ATP8A1: variants seen among roughly 807,000 people sequenced by gnomAD.
ATP8A1 encodes ATPase phospholipid transporting 8A1.
In ATP8A1, 90 loss-of-function variants were observed where a neutral mutation model predicts 177.7. The observed-to-expected ratio is 0.51, with a 90% confidence interval of 0.43 to 0.60. ATP8A1 has a LOEUF of 0.60. ATP8A1 is among the 20% of genes least tolerant of loss of function. The pLI is 0.00. For missense variants in ATP8A1, 1,072 were observed against 1,392.8 expected, an observed-to-expected ratio of 0.77 and a Z score of 3.67; for synonymous variants, 493 against 485.9, an observed-to-expected ratio of 1.01 and a Z score of -0.19.
At position 42,552,584 on chromosome 4, in the gene ATP8A1, A is replaced by C. The variant is rs1333105965; in HGVS notation, c.1440T>G (p.Phe480Leu). 2.5e-6 allele frequency: 4 copies of C among 1,613,740 alleles called. No individual in the cohort carries two copies. The highest frequency in any genetic ancestry group is 3.4e-6 in the Non-Finnish European group (4 of 1,179,910). Reference sequence around the variant, plus strand: ...TGTGACAGACTGCCATCATTGTAAGAAATTCACATATTATAGGTGCAGTTG... The same window carrying C: ...TGTGACAGACTGCCATCATTGTAAGCAATTCACATATTATAGGTGCAGTTG... ...NHPTAPIICE[F>L]LTMMAVCHTA... The change falls in exon 17 of 37, where the codon TTT becomes TTG. Residue 480 changes from phenylalanine to leucine, a missense_variant. By Grantham distance (22) the Phe-to-Leu change is conservative (BLOSUM62 0). Transcript: ENST00000381668.
intron 22 of ATP8A1, among the ~76,000 whole-genome samples, chr4:42,521,510 C>T (rs972063714): frequency 1.3e-5 from 2 of 152,232 alleles, no homozygotes; most frequent in Non-Finnish European, 2.9e-5. Flanking sequence ...GCTATTTATA[C>T]AGCATCGATC....
intron 4 of ATP8A1, among the ~76,000 whole-genome samples, chr4:42,620,199 T>C (rs1737327835): frequency 6.6e-6 from 1 of 152,240 alleles, no homozygotes; most frequent in Admixed American, 6.5e-5. Flanking sequence ...CTATCTAAAT[T>C]GTTATTTGAT....
In ATP8A1 at chr4:42,412,179, G is replaced by A. The variant is rs1454039351; in HGVS notation, c.*737C>T. ...CGTGTGTCCTCTAACAAATAAACAC[G>A]ACAAACAACAAAGAAGCATTTGTAA... On this transcript the variant is annotated 3_prime_UTR_variant, in exon 37 of 37. Transcript: ENST00000381668. 1 of 152,154 alleles carries A rather than the reference G, an allele frequency of 6.6e-6. No homozygotes were observed. Among genetic ancestry groups the A allele is most frequent in the Admixed American group, 6.5e-5 (1 of 15,274 alleles). 9.4% of individuals were successfully genotyped at this position (152,154 alleles called of 1,614,324 possible).
chr4:42,435,511 C>G (rs1381122205), intron 33 of ATP8A1, among the ~76,000 whole-genome samples: 2 of 149,082 alleles, frequency 1.3e-5, no homozygotes, highest in African/African-American at 5.0e-5. Flanking sequence ...GGCACAACGA[C>G]TTTCATACTT....
At chr4:42,510,952 G>C (rs532255581) in intron 22 of ATP8A1, among the ~76,000 whole-genome samples, 31 of 152,206 alleles carry the variant, frequency 2.0e-4, no homozygotes, top group Non-Finnish European at 3.5e-4. Flanking sequence ...GGTTAACATG[G>C]AGTGTTGTGG....
At chr4:42,454,950 T>C (rs569453193) in intron 29 of ATP8A1, among the ~76,000 whole-genome samples, 16 of 152,300 alleles carry the variant, frequency 1.1e-4, no homozygotes, top group African/African-American at 3.6e-4. Context: ...GACTAACCCC[T>C]GTGAGGAGTG....
intron 9 of ATP8A1, 84 bp from the exon 10 acceptor site, chr4:42,581,816 C>T (rs1733112675): frequency 2.1e-6 from 2 of 964,886 alleles, no homozygotes; most frequent in Admixed American, 2.3e-5. Context: ...CAAAAGTACC[C>T]ATTATTAAAA....
chr4:42,522,126 AC>A, intron 22 of ATP8A1, 33 bp downstream of exon 22: 13 of 1,565,990 alleles, frequency 8.3e-6, no homozygotes, highest in Non-Finnish European at 1.1e-5. Flanking sequence ...TGGAAACCAA[AC>A]CCTCTGTATG....
Position 42,562,889 on chromosome 4 carries a change from G to A in ATP8A1, c.1340+6272C>T, listed in dbSNP as rs183227002. ...ATGATCGTGAGGCTTACCCAGCCAC[G>A]TGGAACTGTAAGTCCAATAAACCTC... On this transcript the variant is annotated intron_variant, in intron 15 of 36. Transcript: ENST00000381668. 3.8e-4 allele frequency among the ~76,000 whole-genome samples: 58 copies of A among 152,338 alleles called. 1 individual carries two copies. The highest frequency in any genetic ancestry group is 1.2e-3 in the African/African-American group (49 of 41,572).
At chr4:42,620,811 T>C (rs1156618779) in intron 4 of ATP8A1, among the ~76,000 whole-genome samples, 1 of 152,212 alleles carries the variant, frequency 6.6e-6, no homozygotes, top group Non-Finnish European at 1.5e-5. Context: ...TTCACAATCA[T>C]GCAGAGCCAA....
At chr4:42,516,176 A>C (rs1725518542) in intron 22 of ATP8A1, among the ~76,000 whole-genome samples, 1 of 152,224 alleles carries the variant, frequency 6.6e-6, no homozygotes, top group Admixed American at 6.5e-5. Context: ...TAAATATGAT[A>C]AACACAGTCC....
At chr4:42,644,743 G>C (rs766622503) in intron 1 of ATP8A1, among the ~76,000 whole-genome samples, 1 of 151,664 alleles carries the variant, frequency 6.6e-6, no homozygotes, top group African/African-American at 2.4e-5. Context: ...GCCAAATAAA[G>C]AGTCTCAAAT....
At chr4:42,414,739 T>A (rs1713033406) in intron 35 of ATP8A1, 21 bp from the exon 36 acceptor site, 1 of 1,600,372 alleles carries the variant, frequency 6.2e-7, no homozygotes, top group Admixed American at 1.7e-5. Flanking sequence ...GGTGCAAATG[T>A]GTGAAATGAA....
chr4:42,484,786 A>T (rs1468342385), intron 25 of ATP8A1, among the ~76,000 whole-genome samples: 1 of 152,190 alleles, frequency 6.6e-6, no homozygotes, highest in African/African-American at 2.4e-5. Flanking sequence ...AACTCCTAAG[A>T]TTCAATAGTG....
At chr4:42,529,757 G>A (rs1170880335) in intron 20 of ATP8A1, among the ~76,000 whole-genome samples, 1 of 152,148 alleles carries the variant, frequency 6.6e-6, no homozygotes, top group African/African-American at 2.4e-5. Flanking sequence ...CCCCTTTCTA[G>A]GACATCCCTG....
chr4:42,637,558 T>C (rs1739523267), intron 1 of ATP8A1, among the ~76,000 whole-genome samples: 1 of 152,192 alleles, frequency 6.6e-6, no homozygotes, highest in Admixed American at 6.5e-5. Flanking sequence ...TTAAAAGAGT[T>C]CTAAAAATGA....
chr4:42,443,560 A>G lies in ATP8A1; in HGVS notation c.3123+5T>C, dbSNP rs1716865598. ...GTTGGATTGTGAGTTATTAGCGCAC[A>G]TTACCTCTCCTGACATATCAGGGGC... On this transcript the variant is annotated splice_donor_5th_base_variant and intron_variant, in intron 33 of 36. Transcript: ENST00000381668. The G allele has an allele frequency of 2.7e-6, 3 of 1,123,498 alleles. No homozygotes were observed. The highest frequency in any genetic ancestry group is 4.7e-5 in the East Asian group (2 of 42,642). 69.6% of individuals were successfully genotyped at this position (1,123,498 alleles called of 1,614,324 possible).
intron 33 of ATP8A1, among the ~76,000 whole-genome samples, chr4:42,428,825 T>G (rs919873430): frequency 1.3e-5 from 2 of 152,178 alleles, no homozygotes; most frequent in East Asian, 3.9e-4. Flanking sequence ...AAAGCGCCCA[T>G]GCTCACTCTT....
At chr4:42,501,694 G>T (rs940674095) in intron 24 of ATP8A1, among the ~76,000 whole-genome samples, 69 of 152,192 alleles carry the variant, frequency 4.5e-4, no homozygotes, top group Non-Finnish European at 8.8e-5. Context: ...CACATCTAAT[G>T]ATTTGCCTGA....
Sources: gnomAD v4.1 joint callset for allele counts (sites outside exome capture counted in the v4.1 genomes callset) on GRCh38, gnomAD v4.1.1 for gene constraint, MANE v1.5 for transcripts, NCBI Gene and HGNC (gene_info 2026-07-23, HGNC 2026-07-21) for gene names.